MEF2C: variants seen among roughly 807,000 people sequenced by gnomAD.
MEF2C encodes the protein myocyte enhancer factor 2C, also known as myocyte-specific enhancer factor 2C.
Under a neutral mutation model 50.5 loss-of-function variants are expected in MEF2C, and 6 were observed. The observed-to-expected ratio is 0.12, with a 90% CI of 0.07 to 0.23. MEF2C has a LOEUF of 0.23. Among genes scored for constraint, MEF2C ranks in the 10% least tolerant of loss-of-function variants. The pLI, the probability that MEF2C is intolerant of heterozygous loss-of-function variation, is 1.00. For missense variants in MEF2C, 276 were observed against 605.0 expected (o/e 0.46, Z 5.70); for synonymous variants, 183 against 228.0 (o/e 0.80, Z 1.78).
intron 1 of MEF2C, among the ~76,000 whole-genome samples, chr5:88,837,271 T>C (rs1815530454): frequency 1.3e-5 from 2 of 152,282 alleles, no homozygotes; most frequent in South Asian, 4.1e-4. Flanking sequence ...ACAATAGTAT[T>C]GCTGAAGACA....
chr5:88,819,341 T>C, intron 2 of MEF2C: 1 of 985,192 alleles, frequency 1.0e-6, no homozygotes, highest in Non-Finnish European at 1.2e-6. Context: ...CTTCCCAGTT[T>C]TAACTGTACA....
chr5:88,801,005 A>G (rs2153046236), intron 3 of MEF2C, among the ~76,000 whole-genome samples: 1 of 152,308 alleles, frequency 6.6e-6, no homozygotes, highest in African/African-American at 2.4e-5. Flanking sequence ...CAAAGACATG[A>G]TAATTACGCA....
rs191933926 is a variant in MEF2C at position 88,878,438 on chromosome 5, A to G, written c.-143+4517T>C. ...CAGAGAGCTGTTTGAAATCACAAAC[A>G]TGCAAAAATATCACAGGTCTACGCT... On this transcript the variant is annotated intron_variant, in intron 1 of 10. Coordinates refer to ENST00000504921, the MANE Select transcript of MEF2C (RefSeq NM_002397.5). 5.6e-4 allele frequency among the ~76,000 whole-genome samples: 85 copies of G among 152,144 alleles called. 1 individual carries two copies. The highest frequency in any genetic ancestry group is 2.0e-3 in the African/African-American group (85 of 41,552).
chr5:88,814,964 C>G (rs1389182570), intron 2 of MEF2C, among the ~76,000 whole-genome samples: 2 of 152,170 alleles, frequency 1.3e-5, no homozygotes, highest in East Asian at 3.9e-4. Flanking sequence ...AGAAGACTAA[C>G]ACAGCAGGCT....
intron 1 of MEF2C, among the ~76,000 whole-genome samples, chr5:88,896,176 T>C (rs1394768591): frequency 2.6e-5 from 4 of 152,232 alleles, no homozygotes; most frequent in Non-Finnish European, 4.4e-5. Context: ...CAGCAAAATA[T>C]TAAGATACTC....
chr5:88,762,886 C>T (rs1374123098), intron 3 of MEF2C, among the ~76,000 whole-genome samples: 1 of 152,064 alleles, frequency 6.6e-6, no homozygotes, highest in Non-Finnish European at 1.5e-5. Flanking sequence ...GAGATAACAC[C>T]CCATCTTTAA....
At chr5:88,735,086 C>T in intron 6 of MEF2C, 3 of 985,342 alleles carry the variant, frequency 3.0e-6, no homozygotes, top group Non-Finnish European at 3.6e-6. Context: ...ACTGTGGATC[C>T]TAAACCAGTG....
At chr5:88,893,254 G>A (rs1307933380) in intron 1 of MEF2C, among the ~76,000 whole-genome samples, 1 of 152,030 alleles carries the variant, frequency 6.6e-6, no homozygotes, top group Non-Finnish European at 1.5e-5. Flanking sequence ...AGAAGGAAAA[G>A]AGCTACCGCA....
chr5:88,750,232 C>G (rs1440842881), intron 5 of MEF2C: 3 of 330,642 alleles, frequency 9.1e-6, no homozygotes, highest in Admixed American at 6.7e-5. Context: ...TGAGACAGAG[C>G]TTGCTCTGTT....
intron 4 of MEF2C, among the ~76,000 whole-genome samples, chr5:88,755,905 GA>G (rs751623131): frequency 7.2e-5 from 11 of 152,196 alleles, no homozygotes; most frequent in Non-Finnish European, 1.3e-4. Context: ...GCAGGTCAGT[GA>G]AAGTCATTCT....
chr5:88,863,769 C>T (rs374412336), intron 1 of MEF2C, among the ~76,000 whole-genome samples: 7 of 152,002 alleles, frequency 4.6e-5, no homozygotes, highest in Non-Finnish European at 8.8e-5. Flanking sequence ...ACTTATTTCA[C>T]TTAACGTAAT....
At chr5:88,894,569 G>C (rs146330889) in intron 1 of MEF2C, among the ~76,000 whole-genome samples, 266 of 152,234 alleles carry the variant, frequency 1.7e-3, no homozygotes, top group African/African-American at 6.2e-3. Context: ...TATCATTAAG[G>C]ATGAATTTTT....
At chr5:88,817,617 T>C (rs992032731) in intron 2 of MEF2C, among the ~76,000 whole-genome samples, 1 of 152,004 alleles carries the variant, frequency 6.6e-6, no homozygotes, top group African/African-American at 2.4e-5. Flanking sequence ...GTTATTGCAC[T>C]GATAATTACA....
chr5:88,832,509 A>T (rs558063887), intron 1 of MEF2C, among the ~76,000 whole-genome samples: 1 of 152,200 alleles, frequency 6.6e-6, no homozygotes, highest in Admixed American at 6.6e-5. Context: ...GCCTTCCTAC[A>T]AGCGCAGGTA....
chr5:88,817,300 C>G (rs1805915129), intron 2 of MEF2C, among the ~76,000 whole-genome samples: 1 of 151,854 alleles, frequency 6.6e-6, no homozygotes, highest in Non-Finnish European at 1.5e-5. Context: ...TTTAAAGAGT[C>G]ACTTGAGGGA....
chr5:88,859,804 T>A (rs1824868002), intron 1 of MEF2C, among the ~76,000 whole-genome samples: 1 of 152,250 alleles, frequency 6.6e-6, no homozygotes, highest in Non-Finnish European at 1.5e-5. Context: ...ATTTGAGGTT[T>A]TATTTTCTTG....
rs537598756 is a variant in MEF2C, at chr5:88,828,663, T to TTTTAAG, written c.-142-4734_-142-4733insCTTAAA. Among the ~76,000 whole-genome samples, 12 of 152,166 alleles carry TTTTAAG rather than the reference T, an allele frequency of 7.9e-5. No homozygotes were observed. In the East Asian group the frequency reaches 2.1e-3, roughly 27 times the overall value. ...TCATTATCTTTTTAAGTGGAAAACT[T>TTTTAAG]TGCTCAATATGTTACATCTAGTTAC... On this transcript the variant is annotated intron_variant, in intron 1 of 10. Transcript: ENST00000504921.
intron 1 of MEF2C, among the ~76,000 whole-genome samples, chr5:88,836,947 C>T (rs1329972736): frequency 6.7e-6 from 1 of 150,022 alleles, no homozygotes; most frequent in Non-Finnish European, 1.5e-5. Flanking sequence ...AATTAGCATT[C>T]CCCAAAGTGG....
chr5:88,861,486 T>C (rs1056701948), intron 1 of MEF2C, among the ~76,000 whole-genome samples: 3 of 152,180 alleles, frequency 2.0e-5, no homozygotes, highest in African/African-American at 7.2e-5. Flanking sequence ...AATTTACCGG[T>C]CTATCCAGTT....
Sources: gnomAD v4.1 joint callset for allele counts (sites outside exome capture counted in the v4.1 genomes callset) on GRCh38, gnomAD v4.1.1 for gene constraint, MANE v1.5 for transcripts, NCBI Gene and HGNC (gene_info 2026-07-23, HGNC 2026-07-21) for gene names.